TGFA: variants seen among roughly 807,000 people sequenced by gnomAD.
The protein encoded by TGFA is transforming growth factor alpha.
TGFA carries 12 observed loss-of-function variants against 21.7 expected under a neutral mutation model. That is an observed-to-expected ratio of 0.55 (90% CI 0.35 to 0.90). TGFA has a LOEUF of 0.90. Ranked by LOEUF, TGFA falls within the 40% of genes least tolerant of loss-of-function variation. The probability of loss-of-function intolerance (pLI) is 0.01; values close to 1 mark genes in which losing one functional copy is unlikely to be tolerated. For synonymous variants in TGFA, 79 were observed against 88.1 expected (o/e 0.90, Z 0.58); for missense variants, 178 against 210.8 (o/e 0.84, Z 0.96).
chr2:70,545,705 A>G (rs1673282051), intron 1 of TGFA, among the ~76,000 whole-genome samples: 1 of 152,190 alleles, frequency 6.6e-6, no homozygotes, highest in African/African-American at 2.4e-5. Context: ...AGGTTTTCCT[A>G]AATATATAAG....
chr2:70,472,151 G>A (rs1670770523), intron 2 of TGFA, among the ~76,000 whole-genome samples: 1 of 152,170 alleles, frequency 6.6e-6, no homozygotes, highest in African/African-American at 2.4e-5. Context: ...AAAGGAAGGT[G>A]GCAAAGGCCA....
intron 2 of TGFA, among the ~76,000 whole-genome samples, chr2:70,491,399 T>C (rs1671430533): frequency 6.6e-6 from 1 of 152,164 alleles, no homozygotes; most frequent in South Asian, 2.1e-4. Context: ...ACCAAAGTTT[T>C]CAGCTTGGTA....
At chr2:70,553,688 T>A in intron 1 of TGFA, 40 bp downstream of exon 1, 1 of 1,327,658 alleles carries the variant, frequency 7.5e-7, no homozygotes. Flanking sequence ...GGAAGCAGGG[T>A]GTCGCGCGGC....
intron 2 of TGFA, among the ~76,000 whole-genome samples, chr2:70,487,786 AC>A (rs1453860170): frequency 1.3e-5 from 2 of 152,214 alleles, no homozygotes; most frequent in African/African-American, 4.8e-5. Flanking sequence ...ATTATATGAA[AC>A]CGAATATCCT....
intron 1 of TGFA, among the ~76,000 whole-genome samples, chr2:70,537,166 C>T (rs933769444): frequency 8.5e-5 from 13 of 152,080 alleles, no homozygotes; most frequent in South Asian, 2.1e-4. Context: ...GTAATTGTTT[C>T]GGGGTGCCAT....
intron 1 of TGFA, among the ~76,000 whole-genome samples, chr2:70,536,823 C>G (rs933660265): frequency 5.9e-5 from 9 of 152,112 alleles, no homozygotes; most frequent in Non-Finnish European, 1.3e-4. Context: ...GCAAAGTAAA[C>G]AGAAGAAAGA....
intron 2 of TGFA, among the ~76,000 whole-genome samples, chr2:70,494,313 A>T (rs550569434): frequency 1.8e-4 from 27 of 152,340 alleles, no homozygotes; most frequent in African/African-American, 6.0e-4. Context: ...GTAAGGTAGC[A>T]TAGTCAGAGT....
intron 2 of TGFA, among the ~76,000 whole-genome samples, chr2:70,503,318 A>G (rs6720286): frequency 0.078 from 11,821 of 151,434 alleles, 619 homozygotes; most frequent in African/African-American, 0.15. Context: ...GCAAACTATC[A>G]CAAGGACAAA....
At chr2:70,478,005 T>C (rs1303554243) in intron 2 of TGFA, among the ~76,000 whole-genome samples, 1 of 152,178 alleles carries the variant, frequency 6.6e-6, no homozygotes, top group Non-Finnish European at 1.5e-5. Flanking sequence ...GGGAGCCTCA[T>C]CCAAACATCA....
intron 3 of TGFA, among the ~76,000 whole-genome samples, chr2:70,457,821 C>T (rs895591327): frequency 4.6e-5 from 7 of 152,118 alleles, no homozygotes; most frequent in East Asian, 1.9e-4. Context: ...GGATTATAGG[C>T]GTGAATCACA....
chr2:70,460,116 C>T (rs1422729151), intron 3 of TGFA, among the ~76,000 whole-genome samples: 3 of 152,178 alleles, frequency 2.0e-5, no homozygotes, highest in African/African-American at 7.2e-5. Flanking sequence ...AAGTTTTTAA[C>T]AGAGAAACCA....
rs1671803527 is a variant in TGFA at position 70,503,533 on chromosome 2, C to T, written c.94+11326G>A. Among the ~76,000 whole-genome samples, 3 of 150,842 alleles carry T rather than the reference C, an allele frequency of 2.0e-5. No individual in the cohort carries two copies. In the South Asian group the frequency reaches 6.3e-4, roughly 32 times the overall value. ...GCACATGAATACATATGTAACAAAC[C>T]TGCACGTTGCGCACATGTACCCTAA... On this transcript the variant is annotated intron_variant, in intron 2 of 5. Coordinates refer to ENST00000295400, the MANE Select transcript of TGFA (RefSeq NM_003236.4).
chr2:70,521,370 G>C (rs539957992), intron 1 of TGFA, among the ~76,000 whole-genome samples: 2 of 152,212 alleles, frequency 1.3e-5, no homozygotes, highest in South Asian at 2.1e-4. Flanking sequence ...CTCCCAACTT[G>C]GTGCCTTGGG....
At chr2:70,452,844 G>A (rs1670100277) in intron 5 of TGFA, among the ~76,000 whole-genome samples, 1 of 152,184 alleles carries the variant, frequency 6.6e-6, no homozygotes, top group Non-Finnish European at 1.5e-5. Flanking sequence ...TCGAGAGGCT[G>A]AGGCAGGAGA....
chr2:70,483,898 T>C (rs1671199281), intron 2 of TGFA, among the ~76,000 whole-genome samples: 1 of 152,234 alleles, frequency 6.6e-6, no homozygotes, highest in African/African-American at 2.4e-5. Flanking sequence ...AGATGATGTA[T>C]CAGAGAATTC....
At chr2:70,456,719 C>G (rs1326135223) in intron 3 of TGFA, among the ~76,000 whole-genome samples, 1 of 152,226 alleles carries the variant, frequency 6.6e-6, no homozygotes, top group African/African-American at 2.4e-5. Context: ...TTATCATCTG[C>G]GGAGGCAAGC....
intron 1 of TGFA, among the ~76,000 whole-genome samples, chr2:70,542,838 TA>T (rs1673171925): frequency 6.6e-6 from 1 of 152,222 alleles, no homozygotes; most frequent in Non-Finnish European, 1.5e-5. Flanking sequence ...CAATTTTATT[TA>T]AAAGAAGGGT....
intron 1 of TGFA, among the ~76,000 whole-genome samples, chr2:70,539,249 G>T (rs1456089173): frequency 1.3e-5 from 2 of 152,046 alleles, no homozygotes; most frequent in Non-Finnish European, 2.9e-5. Context: ...GCTTTATTGT[G>T]GTGGCCCGGA....
chr2:70,504,469 C>CATATAT lies in TGFA; in HGVS notation c.94+10389_94+10390insATATAT, dbSNP rs1230209696. On this transcript the variant is annotated intron_variant, in intron 2 of 5. Coordinates refer to ENST00000295400, the MANE Select transcript of TGFA (RefSeq NM_003236.4). ...ATATATATATATATATATATACACA[C>CATATAT]ATACATACATACATACACACACACA... Among the ~76,000 whole-genome samples, 7 of 80,650 alleles carry CATATAT rather than the reference C, an allele frequency of 8.7e-5. No individual in the cohort carries two copies. The East Asian group carries it at 1.5e-3, about 18-fold the overall frequency. 52.9% of individuals were successfully genotyped at this position (80,650 alleles called of 152,430 possible). A position where few individuals can be genotyped will look rare whatever the true frequency, so the allele number is the denominator to read the frequency against.
Sources: gnomAD v4.1 joint callset for allele counts (sites outside exome capture counted in the v4.1 genomes callset) on GRCh38, gnomAD v4.1.1 for gene constraint, MANE v1.5 for transcripts, NCBI Gene and HGNC (gene_info 2026-07-23, HGNC 2026-07-21) for gene names.